Variants in AKNAD1 observed in about 807,000 individuals in gnomAD.
The protein encoded by AKNAD1 is AKNA domain containing 1.
Under a neutral mutation model 90.8 loss-of-function variants are expected in AKNAD1, and 67 were observed. The ratio of observed to expected loss-of-function variants is 0.74; its 90% CI spans 0.61 to 0.90. The LOEUF (loss-of-function observed/expected upper bound fraction) is 0.90. Among genes scored for constraint, AKNAD1 ranks in the 40% least tolerant of loss-of-function variants. AKNAD1 has a pLI of 0.00. For missense variants in AKNAD1, 957 were observed against 975.4 expected (o/e 0.98, Z 0.25); for synonymous variants, 327 against 341.4 (o/e 0.96, Z 0.46).
intron 11 of AKNAD1, among the ~76,000 whole-genome samples, chr1:108,825,306 G>T (rs1663959367): frequency 6.6e-6 from 1 of 151,620 alleles, no homozygotes; most frequent in South Asian, 2.1e-4. Context: ...TAAGTTCTGG[G>T]ATACTTTGTT....
chr1:108,836,985 A>G (rs1372850992), intron 7 of AKNAD1: 2 of 152,278 alleles, frequency 1.3e-5, no homozygotes, highest in East Asian at 3.8e-4. Flanking sequence ...TAATCCCAAC[A>G]CTTTGGAAGG....
At chr1:108,832,277 G>A (rs181284267) in intron 9 of AKNAD1, among the ~76,000 whole-genome samples, 4 of 145,202 alleles carry the variant, frequency 2.8e-5, no homozygotes, top group South Asian at 2.2e-4. Context: ...GTGCAGTGGC[G>A]CAATCTTGGC....
chr1:108,825,572 A>C lies in AKNAD1; in HGVS notation c.1936+1633T>G, dbSNP rs867780077. Among the ~76,000 whole-genome samples, 5 of 151,700 alleles carry C rather than the reference A, an allele frequency of 3.3e-5. No homozygotes were observed. The South Asian group carries it at 1.1e-3, about 32-fold the overall frequency. ...TGTGGTTTTAATCTACCATAAAATG[A>C]TAATATATACCATTTTATATACCTG... is the stretch of plus-strand genomic sequence containing the variant. On this transcript the variant is annotated intron_variant, in intron 11 of 15. Transcript: ENST00000370001.
At chr1:108,841,763 C>A (rs768693954) in intron 6 of AKNAD1, among the ~76,000 whole-genome samples, 1 of 152,110 alleles carries the variant, frequency 6.6e-6, no homozygotes, top group Non-Finnish European at 1.5e-5. Context: ...CATTTGAGAA[C>A]AAGGGGACTA....
intron 5 of AKNAD1, 97 bp from the exon 6 acceptor site, chr1:108,843,364 A>T: frequency 7.0e-7 from 1 of 1,431,326 alleles, no homozygotes; most frequent in Non-Finnish European, 9.4e-7. Flanking sequence ...CAGTAGTGTC[A>T]AAACAAAGCT....
At chr1:108,848,320 A>C (rs189849329) in intron 5 of AKNAD1, among the ~76,000 whole-genome samples, 192 of 152,352 alleles carry the variant, frequency 1.3e-3, no homozygotes, top group African/African-American at 4.5e-3. Context: ...ATATGAAAGG[A>C]AAAGATTTTG....
chr1:108,817,482 CT>C (rs386368009), intron 14 of AKNAD1: 34,108 of 101,666 alleles, frequency 0.34, 6,456 homozygotes, highest in South Asian at 0.39. Flanking sequence ...GGCCAACTTT[CT>C]TTTTTTTTTT....
intron 10 of AKNAD1, among the ~76,000 whole-genome samples, chr1:108,827,552 C>A (rs529502673): frequency 2.6e-5 from 4 of 151,402 alleles, no homozygotes; most frequent in Non-Finnish European, 5.9e-5. Context: ...CGGTGGCTCA[C>A]GCCTGTAATC....
intron 2 of AKNAD1, among the ~76,000 whole-genome samples, chr1:108,849,957 T>G (rs1664803560): frequency 6.6e-6 from 1 of 152,242 alleles, no homozygotes; most frequent in Admixed American, 6.5e-5. Context: ...ACATTTCTCC[T>G]AAAACTAGAC....
intron 10 of AKNAD1, among the ~76,000 whole-genome samples, chr1:108,828,501 A>G (rs1664084205): frequency 6.6e-6 from 1 of 151,766 alleles, no homozygotes; most frequent in South Asian, 2.1e-4. Context: ...TATGGAAGGC[A>G]CTGTGCCCGA....
rs1187081895 is a variant in AKNAD1, at chr1:108,834,503, C to T, written c.1690G>A (p.Ala564Thr). 1 of 1,608,696 alleles carries T rather than the reference C, an allele frequency of 6.2e-7. No homozygotes were observed. The highest frequency in any genetic ancestry group is 1.1e-5 in the South Asian group (1 of 90,046). ...QTYLNGHYGD[A>T]AAQNKPDQVA... ...TGGTCTGGCTTGTTCTGGGCAGCTG[C>T]ATCTCCATAATGACCGTTTAGGTAA... The change falls in exon 9 of 16, where the codon GCA (alanine) becomes ACA (threonine). Residue 564 changes from alanine (A) to threonine (T), a missense_variant. Coordinates refer to ENST00000370001, the MANE Select transcript of AKNAD1 (RefSeq NM_152763.5).
chr1:108,857,473 G>C (rs1408955690), upstream of AKNAD1: 1 of 152,800 alleles, frequency 6.5e-6, no homozygotes, highest in African/African-American at 2.4e-5. Context: ...AGAGGCCAAA[G>C]ATGGTCAGCG....
chr1:108,839,946 T>G (rs1414430700), intron 6 of AKNAD1, among the ~76,000 whole-genome samples: 1 of 151,178 alleles, frequency 6.6e-6, no homozygotes, highest in East Asian at 1.9e-4. Flanking sequence ...GATCCCAGAG[T>G]CCAGGAGTTT....
At chr1:108,844,324 C>CTGCA (rs1664639146) in intron 5 of AKNAD1, among the ~76,000 whole-genome samples, 1 of 152,032 alleles carries the variant, frequency 6.6e-6, no homozygotes, top group Non-Finnish European at 1.5e-5. Flanking sequence ...GATTGCACCA[C>CTGCA]TGCACTCCAG....
chr1:108,825,401 C>T (rs1252164252), intron 11 of AKNAD1, among the ~76,000 whole-genome samples: 1 of 151,698 alleles, frequency 6.6e-6, no homozygotes, highest in East Asian at 2.0e-4. Flanking sequence ...CCTCTAGTTC[C>T]TTATCTATAA....
Position 108,852,245 on chromosome 1 carries a change from G to A in AKNAD1, c.420C>T (p.Asp140=). ...TAATAATAGCTTCCTCTTCAAAACTGTCGGCATTTGAGATCTCTGGGAGGG... is the reference window on the plus strand; with the variant it reads ...TAATAATAGCTTCCTCTTCAAAACTATCGGCATTTGAGATCTCTGGGAGGG... ...CETLPEISNA[D]SFEEEAIIKS... Residue 140 remains aspartate (D), a synonymous_variant, in exon 2 of 16, where the codon GAC becomes GAT. Coordinates refer to ENST00000370001, the MANE Select transcript of AKNAD1 (RefSeq NM_152763.5). 6.2e-7 allele frequency: 1 copy of A among 1,613,732 alleles called. No homozygotes were observed. The highest frequency in any genetic ancestry group is 8.5e-7 in the Non-Finnish European group (1 of 1,179,868).
Position 108,839,678 on chromosome 1 carries a change from C to G in AKNAD1, c.1380-1972G>C, listed in dbSNP as rs544911361. Among the ~76,000 whole-genome samples the G allele has an allele frequency of 2.8e-4, 43 of 152,182 alleles. No homozygotes were observed. The East Asian group carries it at 7.9e-3, about 28-fold the overall frequency. On this transcript the variant is annotated intron_variant, in intron 6 of 15. Coordinates refer to ENST00000370001, the MANE Select transcript of AKNAD1 (RefSeq NM_152763.5). ...ATAGAAGAAAACTCTCTTGATGAAGCTTATCTATTTGAATCATACTTAGGA... is the reference window on the plus strand; with the variant it reads ...ATAGAAGAAAACTCTCTTGATGAAGGTTATCTATTTGAATCATACTTAGGA...
rs1665070105 is a variant in AKNAD1 at position 108,857,023 on chromosome 1, A to G, written c.-198T>C. Reference sequence around the variant, plus strand: ...GCTCAATCTTGAAATCCAAAGGCATATCCAAAGAGGTTCCACTCAGAATCC... The same window carrying G: ...GCTCAATCTTGAAATCCAAAGGCATGTCCAAAGAGGTTCCACTCAGAATCC... On this transcript the variant is annotated 5_prime_UTR_variant, in exon 1 of 16. Coordinates refer to ENST00000370001, the MANE Select transcript of AKNAD1 (RefSeq NM_152763.5). 1 of 152,212 alleles carries G rather than the reference A, an allele frequency of 6.6e-6. No homozygotes were observed. Among genetic ancestry groups the G allele is most frequent in the African/African-American group, 2.4e-5 (1 of 41,452 alleles). The allele number at this position is 152,212 out of a possible 1,614,324, so 9.4% of individuals were successfully genotyped here. A position where few individuals can be genotyped will look rare whatever the true frequency, so the allele number is the denominator to read the frequency against.
intron 11 of AKNAD1, among the ~76,000 whole-genome samples, chr1:108,824,157 G>A (rs1018934931): frequency 6.6e-6 from 1 of 152,226 alleles, no homozygotes; most frequent in Non-Finnish European, 1.5e-5. Flanking sequence ...AAGGGAACCT[G>A]AATCATGACT....
Sources: gnomAD v4.1 joint callset for allele counts (sites outside exome capture counted in the v4.1 genomes callset) on GRCh38, gnomAD v4.1.1 for gene constraint, MANE v1.5 for transcripts, NCBI Gene and HGNC (gene_info 2026-07-23, HGNC 2026-07-21) for gene names.